The following GABRB2 variants were observed in gnomAD, a reference collection of about 807,000 sequenced individuals.
GABRB2 encodes the protein gamma-aminobutyric acid type A receptor subunit beta2.
In GABRB2, 16 loss-of-function variants were observed where a neutral mutation model predicts 54.7. The observed-to-expected ratio is 0.29, with a 90% CI of 0.20 to 0.44. The LOEUF (loss-of-function observed/expected upper bound fraction) is 0.44. Among genes scored for constraint, GABRB2 ranks in the 20% least tolerant of loss-of-function variants. The probability of loss-of-function intolerance (pLI) is 1.00; values close to 1 mark genes in which losing one functional copy is unlikely to be tolerated. For synonymous variants in GABRB2, 244 were observed against 233.8 expected, an observed-to-expected ratio of 1.04 and a Z score of -0.40; for missense variants, 355 against 644.0, an observed-to-expected ratio of 0.55 and a Z score of 4.86.
chr5:161,317,238 A>G (rs780696520), intron 9 of GABRB2, among the ~76,000 whole-genome samples: 6 of 152,194 alleles, frequency 3.9e-5, no homozygotes, highest in Non-Finnish European at 8.8e-5. Context: ...TGGATAACCC[A>G]AAAGCCCTGG....
In GABRB2 at chr5:161,314,208, T is replaced by C. The variant is rs111454432; in HGVS notation, c.1191+12160A>G. Among the ~76,000 whole-genome samples the C allele has an allele frequency of 5.6e-4, 86 of 152,352 alleles. 1 individual carries two copies. The highest frequency in any genetic ancestry group is 1.9e-3 in the African/African-American group (81 of 41,584). ...TGTGCTTTCAAGGTGGCAGCTGGGGTTAGCAGGCTTGCCCTCTCATGACTC... is the reference window on the plus strand; with the variant it reads ...TGTGCTTTCAAGGTGGCAGCTGGGGCTAGCAGGCTTGCCCTCTCATGACTC... On this transcript the variant is annotated intron_variant, in intron 9 of 9. Transcript: ENST00000393959.
chr5:161,457,946 G>A (rs1007305453), intron 4 of GABRB2, among the ~76,000 whole-genome samples: 1 of 152,128 alleles, frequency 6.6e-6, no homozygotes, highest in Admixed American at 6.5e-5. Flanking sequence ...GAAGAGTGCA[G>A]GGTGATTTCT....
intron 5 of GABRB2, among the ~76,000 whole-genome samples, chr5:161,403,025 CTCAG>C (rs760655778): frequency 2.0e-5 from 3 of 152,150 alleles, no homozygotes; most frequent in Non-Finnish European, 2.9e-5. Context: ...AATTTCCAAA[CTCAG>C]TCAGCAAGTT....
At chr5:161,472,188 T>A (rs116376014) in intron 3 of GABRB2, among the ~76,000 whole-genome samples, 60 of 151,992 alleles carry the variant, frequency 3.9e-4, no homozygotes, top group Non-Finnish European at 8.1e-4. Flanking sequence ...ATCTCATTAT[T>A]TCCATTTTCC....
chr5:161,429,726 C>T (rs896730046), intron 4 of GABRB2, among the ~76,000 whole-genome samples: 5 of 152,086 alleles, frequency 3.3e-5, no homozygotes, highest in Non-Finnish European at 5.9e-5. Context: ...ACACAGAATG[C>T]TAAAATTATA....
chr5:161,333,898 A>G (rs1436797061), intron 7 of GABRB2, among the ~76,000 whole-genome samples: 1 of 152,140 alleles, frequency 6.6e-6, no homozygotes, highest in African/African-American at 2.4e-5. Context: ...CCCTCTATAG[A>G]TTTACCACAT....
intron 3 of GABRB2, among the ~76,000 whole-genome samples, chr5:161,465,255 A>G (rs1014516010): frequency 2.6e-4 from 39 of 151,128 alleles, no homozygotes; most frequent in Admixed American, 1.3e-3. Flanking sequence ...ATCTGGAGGG[A>G]AAAAAAAAGG....
At chr5:161,430,322 CT>C (rs1473573566) in intron 4 of GABRB2, among the ~76,000 whole-genome samples, 4 of 152,136 alleles carry the variant, frequency 2.6e-5, no homozygotes. Flanking sequence ...CAGTACATTT[CT>C]TTGAATTTTA....
intron 3 of GABRB2, among the ~76,000 whole-genome samples, chr5:161,483,654 G>A (rs754018388): frequency 7.9e-5 from 12 of 151,922 alleles, no homozygotes; most frequent in African/African-American, 2.4e-4. Flanking sequence ...AAATTTTAAT[G>A]TGGTATGGGG....
At chr5:161,371,097 A>T (rs1375042725) in intron 5 of GABRB2, among the ~76,000 whole-genome samples, 2 of 152,100 alleles carry the variant, frequency 1.3e-5, no homozygotes, top group Admixed American at 6.6e-5. Context: ...GAGTGTTAAG[A>T]CATATTCTTG....
chr5:161,435,503 TA>T (rs960622686), intron 4 of GABRB2, among the ~76,000 whole-genome samples: 7 of 152,180 alleles, frequency 4.6e-5, no homozygotes, highest in African/African-American at 1.2e-4. Flanking sequence ...AATTATAGGA[TA>T]TTTTTTTCTA....
At chr5:161,357,819 A>C (rs987708230) in intron 5 of GABRB2, among the ~76,000 whole-genome samples, 4 of 152,154 alleles carry the variant, frequency 2.6e-5, no homozygotes, top group African/African-American at 9.7e-5. Context: ...AAGGTTCCTG[A>C]TCTGAGCAAA....
intron 5 of GABRB2, among the ~76,000 whole-genome samples, chr5:161,391,685 G>C (rs1258780180): frequency 6.6e-6 from 1 of 152,110 alleles, no homozygotes; most frequent in Non-Finnish European, 1.5e-5. Context: ...CTTTCTATAT[G>C]CAAAATGTAA....
intron 9 of GABRB2, among the ~76,000 whole-genome samples, chr5:161,297,665 C>T (rs1283019292): frequency 6.6e-6 from 1 of 151,960 alleles, no homozygotes. Context: ...GTCACATTTT[C>T]TTTATCAAGT....
At chr5:161,485,636 C>A (rs1228679689) in intron 3 of GABRB2, among the ~76,000 whole-genome samples, 1 of 151,874 alleles carries the variant, frequency 6.6e-6, no homozygotes, top group Non-Finnish European at 1.5e-5. Context: ...CAGCCCTCTC[C>A]CACTCCATGT....
At chr5:161,431,608 C>T (rs184295197) in intron 4 of GABRB2, among the ~76,000 whole-genome samples, 9 of 152,180 alleles carry the variant, frequency 5.9e-5, no homozygotes, top group Non-Finnish European at 1.2e-4. Context: ...AATTAGTATT[C>T]GACAAAAAGC....
intron 5 of GABRB2, among the ~76,000 whole-genome samples, chr5:161,359,637 C>T (rs1251205963): frequency 6.6e-6 from 1 of 152,142 alleles, no homozygotes; most frequent in Non-Finnish European, 1.5e-5. Flanking sequence ...AATGTTCTAA[C>T]TTATGTCTTA....
At position 161,315,670 on chromosome 5, in the gene GABRB2, T is replaced by C. The variant is rs182825904; in HGVS notation, c.1191+10698A>G. Among the ~76,000 whole-genome samples the C allele has an allele frequency of 3.8e-4, 58 of 152,290 alleles. No homozygotes were observed. In the East Asian group the frequency reaches 9.4e-3, roughly 25 times the overall value. On this transcript the variant is annotated intron_variant, in intron 9 of 9. Transcript: ENST00000393959. ...TGGATTTTTAAATTATTATTTGTTA[T>C]AGATACATAGTAATTATACATATTT...
chr5:161,446,703 A>G (rs1032826193), intron 4 of GABRB2, among the ~76,000 whole-genome samples: 1 of 152,144 alleles, frequency 6.6e-6, no homozygotes, highest in Non-Finnish European at 1.5e-5. Context: ...AATTCCTATA[A>G]GTTAAATAAT....
Sources: gnomAD v4.1 joint callset for allele counts (sites outside exome capture counted in the v4.1 genomes callset) on GRCh38, gnomAD v4.1.1 for gene constraint, MANE v1.5 for transcripts, NCBI Gene and HGNC (gene_info 2026-07-23, HGNC 2026-07-21) for gene names.